Variants in PLEKHS1 observed in about 807,000 individuals in gnomAD.
PLEKHS1 encodes pleckstrin homology domain containing S1.
In PLEKHS1, 55 loss-of-function variants were observed where a neutral mutation model predicts 51.0. The observed-to-expected ratio is 1.08, with a 90% CI of 0.87 to 1.35. The LOEUF (loss-of-function observed/expected upper bound fraction) is 1.35. Among genes scored for constraint, PLEKHS1 ranks in the 40% most tolerant of loss-of-function variants. PLEKHS1 has a pLI of 0.00. For missense variants in PLEKHS1, 398 were observed against 423.0 expected (o/e 0.94, Z 0.52); for synonymous variants, 153 against 144.8 (o/e 1.06, Z -0.41).
chr10:113,778,643 C>CTTTTT (rs55821501), intron 11 of PLEKHS1, among the ~76,000 whole-genome samples: 121 of 127,090 alleles, frequency 9.5e-4, no homozygotes, highest in Non-Finnish European at 1.6e-3. Flanking sequence ...CGTTCACTTT[C>CTTTTT]TTTTTTTTTT....
chr10:113,766,473 C>T (rs1844166567), exon 3 of PLEKHS1: 1 of 1,604,430 alleles, frequency 6.2e-7, no homozygotes. Context: ...TATTAAATCA[C>T]CACCTTCTCA....
At chr10:113,777,776 T>G in intron 11 of PLEKHS1, 1 of 1,448,924 alleles carries the variant, frequency 6.9e-7, no homozygotes, top group Non-Finnish European at 9.0e-7. Flanking sequence ...TCAGTTTCAT[T>G]ATCTCAGAAA....
chr10:113,760,181 C>G (rs1843855569), intron 2 of PLEKHS1, among the ~76,000 whole-genome samples: 1 of 152,228 alleles, frequency 6.6e-6, no homozygotes, highest in Non-Finnish European at 1.5e-5. Flanking sequence ...GTCGTTGCAT[C>G]TGTCAATAGT....
At chr10:113,774,724 T>C in intron 9 of PLEKHS1, 102 bp from the exon 10 acceptor site, 2 of 999,282 alleles carry the variant, frequency 2.0e-6, no homozygotes, top group Non-Finnish European at 1.5e-6. Context: ...AAGACCTTGC[T>C]AGTCTTCACA....
At chr10:113,765,861 C>G (rs1364859263) in intron 2 of PLEKHS1, among the ~76,000 whole-genome samples, 1 of 152,140 alleles carries the variant, frequency 6.6e-6, no homozygotes, top group Non-Finnish European at 1.5e-5. Context: ...ATTAGAGCTT[C>G]TTTATTAAGT....
intron 2 of PLEKHS1, chr10:113,765,134 T>C (rs1229159644): frequency 7.4e-6 from 3 of 405,166 alleles, no homozygotes; most frequent in East Asian, 7.3e-5. Flanking sequence ...CTGCCAAACA[T>C]CGCAAATTTT....
exon 12 of PLEKHS1, chr10:113,781,849 A>C (rs1010705481): frequency 1.3e-5 from 2 of 154,768 alleles, no homozygotes; most frequent in African/African-American, 4.8e-5. Context: ...CCTCTCTTCA[A>C]CCCCACAGGC....
exon 5 of PLEKHS1, chr10:113,767,353 G>C (rs1169251420): frequency 1.2e-6 from 2 of 1,604,410 alleles, no homozygotes; most frequent in South Asian, 1.1e-5. Context: ...AGAAATTCCA[G>C]TGTAGAAGTT....
chr10:113,768,735 C>T, intron 5 of PLEKHS1, 80 bp from the exon 6 acceptor site: 3 of 1,175,490 alleles, frequency 2.6e-6, no homozygotes, highest in South Asian at 2.8e-5. Flanking sequence ...ACCATTCTAA[C>T]ATTCATAAAA....
At chr10:113,762,127 C>T (rs1483826423) in intron 2 of PLEKHS1, among the ~76,000 whole-genome samples, 1 of 151,822 alleles carries the variant, frequency 6.6e-6, no homozygotes, top group African/African-American at 2.4e-5. Flanking sequence ...CTTTATTATC[C>T]TTTTAATATC....
In PLEKHS1 at chr10:113,775,623, T is replaced by G; in HGVS notation, c.990-142T>G. 9.2e-6 allele frequency: 5 copies of G among 541,976 alleles called. 1 individual carries two copies. The highest frequency in any genetic ancestry group is 4.4e-4 in the Middle Eastern group (1 of 2,254). 33.6% of individuals were successfully genotyped at this position (541,976 alleles called of 1,614,324 possible). Reference sequence around the variant, plus strand: ...AGAGGATTTTTCAGTAACTTAAATTTATATTATTCTCCAAATGTTTTGAAC... The same window carrying G: ...AGAGGATTTTTCAGTAACTTAAATTGATATTATTCTCCAAATGTTTTGAAC... On this transcript the variant is annotated intron_variant, in intron 10 of 11. Transcript: ENST00000361048.
chr10:113,774,856 G>T, exon 10 of PLEKHS1: 1 of 1,614,014 alleles, frequency 6.2e-7, no homozygotes, highest in African/African-American at 1.3e-5. Flanking sequence ...ATGAGTCTGT[G>T]GATAGCAGCA....
intron 2 of PLEKHS1, among the ~76,000 whole-genome samples, chr10:113,762,440 C>G (rs1843984879): frequency 8.4e-6 from 1 of 119,460 alleles, no homozygotes; most frequent in African/African-American, 3.1e-5. Flanking sequence ...TAATTTGAGA[C>G]TTTTGTTCTT....
chr10:113,754,138 T>G (rs1853985578), intron 1 of PLEKHS1, among the ~76,000 whole-genome samples: 1 of 152,132 alleles, frequency 6.6e-6, no homozygotes, highest in Non-Finnish European at 1.5e-5. Context: ...TCTCTGTATA[T>G]GCATATACAC....
intron 11 of PLEKHS1, chr10:113,777,205 A>AC: frequency 6.2e-7 from 1 of 1,612,510 alleles, no homozygotes. Flanking sequence ...ATGACCTGAA[A>AC]CCCCAGAGCC....
exon 7 of PLEKHS1, chr10:113,769,867 C>T (rs1452453907): frequency 6.2e-7 from 1 of 1,613,976 alleles, no homozygotes; most frequent in East Asian, 2.2e-5. Context: ...AGGCTGTTGG[C>T]TCCAGCTCAC....
intron 5 of PLEKHS1, among the ~76,000 whole-genome samples, chr10:113,768,423 A>T (rs562507301): frequency 6.6e-6 from 1 of 152,294 alleles, no homozygotes; most frequent in Non-Finnish European, 1.5e-5. Flanking sequence ...GATTATACAA[A>T]TTCACTCAAG....
intron 2 of PLEKHS1, among the ~76,000 whole-genome samples, chr10:113,758,731 A>T (rs1843785349): frequency 6.6e-6 from 1 of 152,160 alleles, no homozygotes; most frequent in South Asian, 2.1e-4. Flanking sequence ...AGGAGAGGAG[A>T]GAGATGGGGG....
chr10:113,777,128 T>C, intron 11 of PLEKHS1: 1 of 1,612,508 alleles, frequency 6.2e-7, no homozygotes, highest in Non-Finnish European at 8.5e-7. Context: ...CTGCAGTGTG[T>C]CTCAGTGGGA....
Sources: allele counts gnomAD v4.1 joint callset (sites outside exome capture counted in the v4.1 genomes callset), GRCh38; gene constraint gnomAD v4.1.1; transcripts MANE v1.5; gene names NCBI Gene and HGNC (gene_info 2026-07-23, HGNC 2026-07-21).